PACS2: variants seen among roughly 807,000 people sequenced by gnomAD.
PACS2 encodes the protein PACS1-like protein.
A neutral mutation model predicts 113.0 loss-of-function variants in PACS2; 36 were observed. The ratio of observed to expected loss-of-function variants is 0.32; its 90% CI spans 0.24 to 0.42. The LOEUF (loss-of-function observed/expected upper bound fraction) is 0.42, where lower values mean the gene tolerates loss of function less well. Ranked by LOEUF, PACS2 falls within the 10% of genes least tolerant of loss-of-function variation. The pLI is 1.00. For synonymous variants in PACS2, 589 were observed against 536.1 expected (o/e 1.10, Z -1.36); for missense variants, 1,015 against 1,239.5 (o/e 0.82, Z 2.72).
intron 1 of PACS2, among the ~76,000 whole-genome samples, chr14:105,343,505 T>C (rs782084150): frequency 1.3e-5 from 2 of 152,210 alleles, no homozygotes; most frequent in Non-Finnish European, 2.9e-5. Context: ...GTGGTTTTGC[T>C]TCCTCGCCAG....
At chr14:105,311,703 C>T (rs1319417112), upstream of PACS2, among the ~76,000 whole-genome samples, 3 of 152,210 alleles carry the variant, frequency 2.0e-5, no homozygotes, top group Admixed American at 6.5e-5. Flanking sequence ...CTAAGGGTGA[C>T]CGTGGGAACT....
intron 1 of PACS2, among the ~76,000 whole-genome samples, chr14:105,342,843 G>A (rs2059784382): frequency 6.6e-6 from 1 of 151,534 alleles, no homozygotes; most frequent in Non-Finnish European, 1.5e-5. Flanking sequence ...GCTGAGGCAG[G>A]TGAATTGCTT....
At chr14:105,336,601 GTGAA>G (rs1224902897) in intron 1 of PACS2, 1 of 152,406 alleles carries the variant, frequency 6.6e-6, no homozygotes, top group African/African-American at 2.4e-5. Context: ...AACTCAGTGA[GTGAA>G]TGAGTGAAAG....
chr14:105,316,290 G>T (rs928878312), intron 1 of PACS2, among the ~76,000 whole-genome samples: 1 of 152,230 alleles, frequency 6.6e-6, no homozygotes, highest in Non-Finnish European at 1.5e-5. Context: ...CTGCAGATGT[G>T]CCTGCTTGCC....
upstream of PACS2, among the ~76,000 whole-genome samples, chr14:105,313,144 G>A (rs1171343998): frequency 6.6e-6 from 1 of 152,198 alleles, no homozygotes; most frequent in African/African-American, 2.4e-5. Flanking sequence ...TGTAGTCCCT[G>A]CCTGGGTTAG....
In PACS2 at chr14:105,330,270, TGGGA is replaced by T. The variant is rs2059256686; in HGVS notation, c.119+15234_119+15237del. Among the ~76,000 whole-genome samples, 1 of 87,228 alleles carries T rather than the reference TGGGA, an allele frequency of 1.1e-5. No homozygotes were observed. Among genetic ancestry groups the T allele is most frequent in the African/African-American group, 4.9e-5 (1 of 20,608 alleles). The allele number at this position is 87,228 out of a possible 152,430, so 57.2% of individuals were successfully genotyped here. ...CTCCGAGAAGCCTGGGGTCCGTGTG[TGGGA>T]CGGAATGGGGACAGGAGCCTCCGAG... On this transcript the variant is annotated intron_variant, in intron 1 of 24. Coordinates refer to ENST00000447393, the MANE Select transcript of PACS2 (RefSeq NM_001100913.3). This position sits in a 1 kb window ranked among gnomAD's most constrained non-coding sequence, Gnocchi z 6.9.
At chr14:105,327,011 G>T (rs762259420) in intron 1 of PACS2, among the ~76,000 whole-genome samples, 36 of 152,200 alleles carry the variant, frequency 2.4e-4, no homozygotes, top group Non-Finnish European at 4.0e-4. Flanking sequence ...CCGAATCGAC[G>T]CACTCTTGGC....
At chr14:105,320,749 G>C (rs1162092647) in intron 1 of PACS2, among the ~76,000 whole-genome samples, 5 of 152,220 alleles carry the variant, frequency 3.3e-5, no homozygotes, top group African/African-American at 4.8e-5. Context: ...TTGGCGCTAA[G>C]ATTTCCTTGT....
At chr14:105,320,857 A>G (rs2058859068) in intron 1 of PACS2, among the ~76,000 whole-genome samples, 1 of 152,218 alleles carries the variant, frequency 6.6e-6, no homozygotes, top group Non-Finnish European at 1.5e-5. Context: ...ATTCACTTAT[A>G]AAATAACCTG....
At chr14:105,321,021 C>T (rs1230698368) in intron 1 of PACS2, among the ~76,000 whole-genome samples, 3 of 152,176 alleles carry the variant, frequency 2.0e-5, no homozygotes, top group African/African-American at 7.2e-5. Context: ...GGCGTGGTGG[C>T]ACGCACCTGT....
chr14:105,303,130 T>C (rs1595510283), intron 1 of PACS2, among the ~76,000 whole-genome samples: 2 of 152,202 alleles, frequency 1.3e-5, no homozygotes, highest in East Asian at 3.8e-4. Flanking sequence ...GGTTTCACCA[T>C]GTTGGCTAGG....
At position 105,317,364 on chromosome 14, in the gene PACS2, A is replaced by G. The variant is rs1263152627; in HGVS notation, c.119+2327A>G. Among the ~76,000 whole-genome samples the G allele has an allele frequency of 6.6e-6, 1 of 151,984 alleles. No individual in the cohort carries two copies. The highest frequency in any genetic ancestry group is 1.5e-5 in the Non-Finnish European group (1 of 68,010). The stretch of plus-strand genomic sequence containing the variant: ...TAAGCATGTACCGCCAGCTACCAGG[A>G]TTTATGGTGGGGGTGTGCACGCACT... On this transcript the variant is annotated intron_variant, in intron 1 of 24. Coordinates refer to ENST00000447393, the MANE Select transcript of PACS2 (RefSeq NM_001100913.3). This position sits in a 1 kb window ranked among gnomAD's most constrained non-coding sequence, Gnocchi z 4.2.
chr14:105,301,089 G>C (rs1595504602), intron 1 of PACS2: 1 of 151,554 alleles, frequency 6.6e-6, no homozygotes, highest in Non-Finnish European at 1.5e-5. Context: ...GGGGACTAGA[G>C]CTAAGGGTGG....
rs1555405111 is a variant in PACS2 at position 105,355,168 on chromosome 14, C to T, written c.414C>T (p.Ser138=). The part of the protein sequence containing the change: ...GYKTLAAGSI[S]MAEVMQHPSE... Reference sequence around the variant, plus strand: ...AGACGCTGGCCGCGGGCTCCATCAGCATGGCTGAGGTGAGTGCTCCGTCTG... The same window carrying T: ...AGACGCTGGCCGCGGGCTCCATCAGTATGGCTGAGGTGAGTGCTCCGTCTG... Residue 138 remains serine, a synonymous_variant, in exon 4 of 25, where the codon AGC becomes AGT. Coordinates refer to ENST00000447393, the MANE Select transcript of PACS2 (RefSeq NM_001100913.3). This position sits in a 1 kb window ranked among gnomAD's most constrained non-coding sequence, Gnocchi z 4.1. 2 of 1,613,200 alleles carry T rather than the reference C, an allele frequency of 1.2e-6. No homozygotes were observed. Among genetic ancestry groups the T allele is most frequent in the Non-Finnish European group, 8.5e-7 (1 of 1,179,868 alleles).
Position 105,382,008 on chromosome 14 carries a change from GACA to G in PACS2, c.1366_1368del (p.Asn456del), listed in dbSNP as rs1555412167. ...CCAGAATGAGCGGGCCAACAGCCTG[GACA>G]ACGAGCGCTGCCCGGACGCCCGGAG... On this transcript the variant is annotated inframe_deletion, in exon 13 of 25. Coordinates refer to ENST00000447393, the MANE Select transcript of PACS2 (RefSeq NM_001100913.3). 6.5e-7 allele frequency: 1 copy of G among 1,549,980 alleles called. No homozygotes were observed. The highest frequency in any genetic ancestry group is 1.4e-5 in the African/African-American group (1 of 73,102).
At chr14:105,391,273 C>G (rs1161238750) in intron 21 of PACS2, 24 bp downstream of exon 21, 3 of 1,591,612 alleles carry the variant, frequency 1.9e-6, no homozygotes, top group Non-Finnish European at 2.6e-6. Context: ...ACCCTGAGGC[C>G]TTGTGAGTGG....
At chr14:105,378,106 C>T (rs1161425114) in intron 9 of PACS2, among the ~76,000 whole-genome samples, 2 of 152,238 alleles carry the variant, frequency 1.3e-5, no homozygotes, top group Non-Finnish European at 2.9e-5. Context: ...CACTTTGGGC[C>T]TCCCTGGCCT....
chr14:105,348,464 C>T lies in PACS2; in HGVS notation c.120-29C>T. The T allele has an allele frequency of 6.4e-7, 1 of 1,565,344 alleles. No homozygotes were observed. Among genetic ancestry groups the T allele is most frequent in the Non-Finnish European group, 8.8e-7 (1 of 1,138,798 alleles). ...CGCGTCCTGAGGAGAGGGCGGAGCC[C>T]CGAGGCTGAGCTGTGCCTTGCCTCA... On this transcript the variant is annotated intron_variant, in intron 1 of 24. Coordinates refer to ENST00000447393, the MANE Select transcript of PACS2 (RefSeq NM_001100913.3). The surrounding 1 kb of genome is among the most constrained non-coding windows in gnomAD (Gnocchi z 6.4).
At position 105,314,910 on chromosome 14, in the gene PACS2, G is replaced by GC. The variant is rs1325945443; in HGVS notation, c.-7dup. Reference sequence around the variant, plus strand: ...CCCAGGCCGCCGAGGGAGCGGCGGGGCCGGCGCCATGGCCGAGCGAGGCCG... The same window carrying GC: ...CCCAGGCCGCCGAGGGAGCGGCGGGGCCCGGCGCCATGGCCGAGCGAGGCCG... On this transcript the variant is annotated 5_prime_UTR_variant, in exon 1 of 25. Transcript: ENST00000447393. The GC allele has an allele frequency of 3.0e-6, 3 of 1,006,600 alleles. No individual in the cohort carries two copies. The highest frequency in any genetic ancestry group is 2.0e-4 in the East Asian group (2 of 10,224). The allele number at this position is 1,006,600 out of a possible 1,614,324, so 62.4% of individuals were successfully genotyped here. A position where few individuals can be genotyped will look rare whatever the true frequency, so the allele number is the denominator to read the frequency against.
Sources: gnomAD v4.1 joint callset for allele counts (sites outside exome capture counted in the v4.1 genomes callset) on GRCh38, gnomAD v4.1.1 for gene constraint, Gnocchi (gnomAD v3.1) non-coding constraint, MANE v1.5 for transcripts, NCBI Gene and HGNC (gene_info 2026-07-23, HGNC 2026-07-21) for gene names.